Variants in FLNC observed in about 807,000 individuals in gnomAD.
The protein encoded by FLNC is filamin C, also known as filamin-C.
In FLNC, 91 loss-of-function variants were observed where a neutral mutation model predicts 254.3. The observed-to-expected ratio is 0.36, with a 90% CI of 0.30 to 0.43. FLNC has a LOEUF of 0.43. Among genes scored for constraint, FLNC ranks in the 20% least tolerant of loss-of-function variants. The pLI is 1.00. For synonymous variants in FLNC, 1,430 were observed against 1,577.2 expected, an observed-to-expected ratio of 0.91 and a Z score of 2.21; for missense variants, 2,853 against 3,802.6, an observed-to-expected ratio of 0.75 and a Z score of 6.57.
chr7:128,858,304 G>T lies in FLNC; in HGVS notation c.7991-32G>T. ...GTGGGTCACAGTAGGGGACTCCCTG[G>T]TGTGAGCCTGTCCCTCTGCCTCCCT... On this transcript the variant is annotated intron_variant, in intron 47 of 47. Transcript: ENST00000325888. The surrounding 1 kb of genome is among the most constrained non-coding windows in gnomAD (Gnocchi z 6.7). 7.5e-7 allele frequency: 1 copy of T among 1,341,256 alleles called. No individual in the cohort carries two copies. Among genetic ancestry groups the T allele is most frequent in the Non-Finnish European group, 1.1e-6 (1 of 942,748 alleles). The allele number at this position is 1,341,256 out of a possible 1,614,324, so 83.1% of individuals were successfully genotyped here.
Position 128,858,819 on chromosome 7 carries a change from C to G in FLNC, c.*296C>G. ...CAAGGGGCTGGCGAGGGCTGCGAGGCCAGGGAAGCCCTGAGTTTCTGGCGG... is the reference window on the plus strand; with the variant it reads ...CAAGGGGCTGGCGAGGGCTGCGAGGGCAGGGAAGCCCTGAGTTTCTGGCGG... On this transcript the variant is annotated 3_prime_UTR_variant, in exon 48 of 48. Coordinates refer to ENST00000325888, the MANE Select transcript of FLNC (RefSeq NM_001458.5). This position sits in a 1 kb window ranked among gnomAD's most constrained non-coding sequence, Gnocchi z 6.7. The G allele has an allele frequency of 2.1e-6, 1 of 486,140 alleles. No individual in the cohort carries two copies. The highest frequency in any genetic ancestry group is 5.8e-4 in the Middle Eastern group (1 of 1,730). 30.1% of individuals were successfully genotyped at this position (486,140 alleles called of 1,614,324 possible). A position where few individuals can be genotyped will look rare whatever the true frequency, so the allele number is the denominator to read the frequency against.
chr7:128,853,667 G>C (rs1271951979), intron 38 of FLNC, 46 bp downstream of exon 38: 1 of 1,613,940 alleles, frequency 6.2e-7, no homozygotes, highest in African/African-American at 1.3e-5. Flanking sequence ...GGGAGGCCAG[G>C]AGGCTGGGGC....
In FLNC at chr7:128,848,000, C is replaced by T. The variant is rs370528183; in HGVS notation, c.4512C>T (p.His1504=). 2.5e-6 allele frequency: 4 copies of T among 1,609,010 alleles called. No homozygotes were observed. Among genetic ancestry groups the T allele is most frequent in the South Asian group, 1.1e-5 (1 of 90,604 alleles). ...ATGGAGATGGCACCCACACTGTCCA[C>T]TACACCCCAGCCACTGACGGGCCCT... ...RDNGDGTHTV[H]YTPATDGPYT... is the part of the protein sequence containing the mutation. The change falls in exon 26 of 48, where the codon CAC becomes CAT. Residue 1504 remains histidine (H), a synonymous_variant. Coordinates refer to ENST00000325888, the MANE Select transcript of FLNC (RefSeq NM_001458.5).
At position 128,844,659 on chromosome 7, in the gene FLNC, T is replaced by G; in HGVS notation, c.3194T>G (p.Val1065Gly). The change falls in exon 21 of 48, where the codon GTC becomes GGC. Residue 1065 changes from valine to glycine, a missense_variant and splice_region_variant. Physicochemically the swap from Val to Gly is moderately radical, Grantham distance 109. Transcript: ENST00000325888. ...EGVLPPDPSKVCAYGPGLKGG... is the reference protein window; with the variant it reads ...EGVLPPDPSKGCAYGPGLKGG... ...CCCACAACCTGCCTCTTCCCCTAGG[T>G]CTGTGCTTATGGCCCGGGTCTCAAG... 1 of 1,611,336 alleles carries G rather than the reference T, an allele frequency of 6.2e-7. No individual in the cohort carries two copies. Among genetic ancestry groups the G allele is most frequent in the Non-Finnish European group, 8.5e-7 (1 of 1,179,908 alleles).
Position 128,858,117 on chromosome 7 carries a change from G to A in FLNC, c.7890G>A (p.Lys2630=). 6.2e-7 allele frequency: 1 copy of A among 1,613,510 alleles called. No homozygotes were observed. Among genetic ancestry groups the A allele is most frequent in the African/African-American group, 1.3e-5 (1 of 75,056 alleles). The change falls in exon 47 of 48, where the codon AAG becomes AAA. Residue 2630 remains lysine, a synonymous_variant. Transcript: ENST00000325888. The surrounding 1 kb of genome is among the most constrained non-coding windows in gnomAD (Gnocchi z 6.7). The stretch of plus-strand genomic sequence containing the variant: ...GCTCCAGCTACAGCTCCATCCCCAA[G>A]TTCTCCTCAGATGCCAGCAAGGTGG... ...SRGSSYSSIP[K]FSSDASKVVT... is the part of the protein sequence containing the mutation.
chr7:128,843,960 G>C, intron 19 of FLNC, 44 bp from the exon 20 acceptor site: 1 of 1,614,106 alleles, frequency 6.2e-7, no homozygotes, highest in South Asian at 1.1e-5. Flanking sequence ...ATTCGGGTAG[G>C]GTGGACCGGA....
At chr7:128,853,238 C>T in intron 37 of FLNC, 1 of 711,534 alleles carries the variant, frequency 1.4e-6, no homozygotes, top group Non-Finnish European at 2.4e-6. Context: ...GCTCAGCTGT[C>T]CTGAGTTTCT....
chr7:128,843,431 C>T lies in FLNC; in HGVS notation c.2665C>T (p.His889Tyr). 5.0e-6 allele frequency: 8 copies of T among 1,614,080 alleles called. No homozygotes were observed. Among genetic ancestry groups the T allele is most frequent in the Non-Finnish European group, 5.9e-6 (7 of 1,180,028 alleles). The change falls in exon 18 of 48, where the codon CAC (histidine) becomes TAC (tyrosine). Residue 889 changes from histidine to tyrosine, a missense_variant. Transcript: ENST00000325888. ...AGGTGTGGAAGTCGGGAAGCCCACC[C>T]ACTTCACGGTGCTGACCAAGGGAGC... ...RTGVEVGKPT[H>Y]FTVLTKGAGK...
intron 43 of FLNC, among the ~76,000 whole-genome samples, chr7:128,855,735 G>A (rs891159137): frequency 1.4e-4 from 21 of 152,232 alleles, no homozygotes; most frequent in Admixed American, 6.5e-5. Context: ...AGCCTGGGCT[G>A]CATCCTCTTC....
chr7:128,838,540 G>T (rs1808198764), intron 7 of FLNC, 63 bp from the exon 8 acceptor site: 1 of 1,606,082 alleles, frequency 6.2e-7, no homozygotes, highest in African/African-American at 1.3e-5. Context: ...GCAGCCTCAG[G>T]GTGAGGGCAC....
chr7:128,855,518 G>A (rs1585170805), intron 43 of FLNC, among the ~76,000 whole-genome samples: 1 of 152,224 alleles, frequency 6.6e-6, no homozygotes, highest in African/African-American at 2.4e-5. Flanking sequence ...GGCATGCCAC[G>A]CCTCGTTCTG....
rs760009430 is a variant in FLNC at position 128,837,465 on chromosome 7, A to G, written c.767A>G (p.Gln256Arg). ...DEHSVMTYLS[Q>R]FPKAKLKPGA... Reference sequence around the variant, plus strand: ...CATTCTGTTATGACCTACCTGTCCCAGTTCCCCAAGGCCAAGCTCAAACCT... The same window carrying G: ...CATTCTGTTATGACCTACCTGTCCCGGTTCCCCAAGGCCAAGCTCAAACCT... Residue 256 changes from glutamine to arginine, a missense_variant, in exon 4 of 48, where the codon CAG becomes CGG. By Grantham distance (43) the Gln-to-Arg change is conservative (BLOSUM62 1). Coordinates refer to ENST00000325888, the MANE Select transcript of FLNC (RefSeq NM_001458.5). The G allele has an allele frequency of 1.1e-5, 18 of 1,614,048 alleles. No individual in the cohort carries two copies. In the South Asian group the frequency reaches 2.0e-4, roughly 18 times the overall value.
At chr7:128,851,412 GT>G (rs1477895372) in intron 34 of FLNC, 42 bp from the exon 35 acceptor site, 1 of 1,614,020 alleles carries the variant, frequency 6.2e-7, no homozygotes, top group Non-Finnish European at 8.5e-7. Context: ...AGGGGCAGGG[GT>G]GAGGGCAGGA....
rs368212293 is a variant in FLNC, at chr7:128,849,374, G to A, written c.4995G>A (p.Val1665=). ...GPRIQIGQET[V]ITVDAKAAGE... is the part of the protein sequence containing the mutation. Reference sequence around the variant, plus strand: ...GAATCCAGATTGGGCAGGAGACGGTGATCACGGTGGATGCCAAGGCAGCCG... The same window carrying A: ...GAATCCAGATTGGGCAGGAGACGGTAATCACGGTGGATGCCAAGGCAGCCG... Residue 1665 remains valine (V), a synonymous_variant, in exon 30 of 48, where the codon GTG becomes GTA. Coordinates refer to ENST00000325888, the MANE Select transcript of FLNC (RefSeq NM_001458.5). 6.2e-7 allele frequency: 1 copy of A among 1,614,022 alleles called. No homozygotes were observed. The highest frequency in any genetic ancestry group is 1.3e-5 in the African/African-American group (1 of 74,952).
chr7:128,851,069 C>A, intron 33 of FLNC, 126 bp downstream of exon 33: 1 of 1,517,332 alleles, frequency 6.6e-7, no homozygotes, highest in East Asian at 2.3e-5. Context: ...AGGCGAGGCC[C>A]CAGGGAGGCT....
At position 128,831,005 on chromosome 7, in the gene FLNC, G is replaced by A. The variant is rs1562989063; in HGVS notation, c.352+16G>A. 1.2e-6 allele frequency: 2 copies of A among 1,601,182 alleles called. No individual in the cohort carries two copies. The highest frequency in any genetic ancestry group is 1.7e-6 in the Non-Finnish European group (2 of 1,178,324). On this transcript the variant is annotated intron_variant, in intron 1 of 47. Transcript: ENST00000325888. ...GTGTCCATAGGTCAGTGCCGGGGGCGAGGGCACGGGCGCTGCGGGGATAGG... is the reference window on the plus strand; with the variant it reads ...GTGTCCATAGGTCAGTGCCGGGGGCAAGGGCACGGGCGCTGCGGGGATAGG...
At chr7:128,838,176 G>A (rs1485384705) in intron 6 of FLNC, 91 bp from the exon 7 acceptor site, 18 of 1,501,018 alleles carry the variant, frequency 1.2e-5, no homozygotes, top group South Asian at 3.4e-5. Context: ...CCAGCTGCCC[G>A]CCTCTCACCC....
intron 1 of FLNC, among the ~76,000 whole-genome samples, chr7:128,834,254 G>A (rs1312969903): frequency 7.5e-6 from 1 of 132,692 alleles, no homozygotes; most frequent in Non-Finnish European, 1.5e-5. Context: ...CTATCTACAT[G>A]CTAGGCCACC....
chr7:128,850,105 C>T, intron 31 of FLNC, 31 bp downstream of exon 31: 1 of 1,441,118 alleles, frequency 6.9e-7, no homozygotes, highest in East Asian at 2.5e-5. Flanking sequence ...CGATGTCCTC[C>T]TCCTCCTCCC....
Sources: gnomAD v4.1 joint callset for allele counts (sites outside exome capture counted in the v4.1 genomes callset) on GRCh38, gnomAD v4.1.1 for gene constraint, Gnocchi (gnomAD v3.1) non-coding constraint, MANE v1.5 for transcripts, NCBI Gene and HGNC (gene_info 2026-07-23, HGNC 2026-07-21) for gene names.